DSCAML1: variants seen among roughly 807,000 people sequenced by gnomAD.
DSCAML1 encodes the protein cell adhesion molecule DSCAML1.
A neutral mutation model predicts 200.5 loss-of-function variants in DSCAML1; 38 were observed. The ratio of observed to expected loss-of-function variants is 0.19; its 90% CI spans 0.15 to 0.25. DSCAML1 has a LOEUF of 0.25. Ranked by LOEUF, DSCAML1 falls within the 10% of genes least tolerant of loss-of-function variation. The pLI, the probability that DSCAML1 is intolerant of heterozygous loss-of-function variation, is 1.00. For synonymous variants in DSCAML1, 1,215 were observed against 1,165.0 expected, an observed-to-expected ratio of 1.04 and a Z score of -0.87; for missense variants, 2,223 against 2,858.8, an observed-to-expected ratio of 0.78 and a Z score of 5.07.
At chr11:117,654,920 C>T (rs1260297250) in intron 3 of DSCAML1, among the ~76,000 whole-genome samples, 1 of 152,188 alleles carries the variant, frequency 6.6e-6, no homozygotes, top group African/African-American at 2.4e-5. Flanking sequence ...CATCTCTACC[C>T]CAGGATGTAA....
chr11:117,520,669 C>T (rs1234732082), intron 6 of DSCAML1, among the ~76,000 whole-genome samples: 1 of 151,418 alleles, frequency 6.6e-6, no homozygotes, highest in Admixed American at 6.6e-5. Flanking sequence ...GGGAGGATCG[C>T]TTCACCCCAG....
chr11:117,816,088 G>T (rs2055803567), intron 1 of DSCAML1, among the ~76,000 whole-genome samples: 2 of 152,106 alleles, frequency 1.3e-5, no homozygotes, highest in Non-Finnish European at 2.9e-5. Context: ...AACGTTTGAA[G>T]TTCTAAACAG....
At chr11:117,554,761 G>A (rs2050529743) in intron 3 of DSCAML1, among the ~76,000 whole-genome samples, 1 of 152,222 alleles carries the variant, frequency 6.6e-6, no homozygotes. Context: ...TTGCAATCAT[G>A]AGGATGGCAG....
intron 14 of DSCAML1, among the ~76,000 whole-genome samples, chr11:117,476,163 T>C (rs1278807261): frequency 4.6e-5 from 7 of 152,158 alleles, no homozygotes; most frequent in African/African-American, 1.7e-4. Context: ...ATGCAAAATA[T>C]TCTTCTTAAA....
chr11:117,576,254 T>C (rs1366508744), intron 3 of DSCAML1, among the ~76,000 whole-genome samples: 1 of 152,098 alleles, frequency 6.6e-6, no homozygotes, highest in African/African-American at 2.4e-5. Flanking sequence ...TCATTCTGGG[T>C]TTCACTGACT....
rs778172814 is a variant in DSCAML1 at position 117,428,614 on chromosome 11, C to T, written c.5876G>A (p.Gly1959Glu). The T allele has an allele frequency of 3.7e-6, 6 of 1,608,114 alleles. No homozygotes were observed. The highest frequency in any genetic ancestry group is 2.2e-5 in the East Asian group (1 of 44,694). The change falls in exon 33 of 33, where the codon GGG (glycine) becomes GAG (glutamate). Residue 1959 changes from glycine (G) to glutamate (E), a missense_variant. By Grantham distance (98) the Gly-to-Glu change is moderately conservative (BLOSUM62 -2). Transcript: ENST00000651296. Reference sequence around the variant, plus strand: ...GGCTGTGGAGGCGGCAGCGGGGGCCCCTGGGTGGGGAAGGCCCAAGGACTT... The same window carrying T: ...GGCTGTGGAGGCGGCAGCGGGGGCCTCTGGGTGGGGAAGGCCCAAGGACTT... ...ASKSLGLPHP[G>E]APAAASTATL...
Position 117,520,663 on chromosome 11 carries a change from G to A in DSCAML1, c.1213+467C>T, listed in dbSNP as rs113436308. Among the ~76,000 whole-genome samples the A allele has an allele frequency of 3.3e-3, 496 of 151,434 alleles. 7 individuals carry two copies. The highest frequency in any genetic ancestry group is 0.011 in the African/African-American group (460 of 41,298). ...AGTAAAGGCCTCAGCCCAGGCGGGA[G>A]GATCGCTTCACCCCAGTTCAAGACC... is the stretch of plus-strand genomic sequence containing the variant. On this transcript the variant is annotated intron_variant, in intron 6 of 32. Transcript: ENST00000651296.
chr11:117,796,820 C>T (rs1242183471), intron 1 of DSCAML1, among the ~76,000 whole-genome samples: 2 of 152,190 alleles, frequency 1.3e-5, no homozygotes, highest in Non-Finnish European at 2.9e-5. Flanking sequence ...CGCCCCAAAA[C>T]GGCAGACGCG....
chr11:117,697,648 A>AT (rs1396437164), intron 3 of DSCAML1, among the ~76,000 whole-genome samples: 2 of 152,168 alleles, frequency 1.3e-5, no homozygotes, highest in African/African-American at 4.8e-5. Context: ...GTCTCTAGGA[A>AT]TTTGAGTACT....
intron 16 of DSCAML1, among the ~76,000 whole-genome samples, chr11:117,466,994 A>G (rs1161070940): frequency 6.6e-6 from 1 of 152,206 alleles, no homozygotes; most frequent in East Asian, 1.9e-4. Context: ...TGAGGCCCGA[A>G]TGAGCCCTGG....
Position 117,503,813 on chromosome 11 carries a change from G to T in DSCAML1, c.2359+32C>A, listed in dbSNP as rs1370988336. Reference sequence around the variant, plus strand: ...AGCCGGGGCTTGGCTGTGATTTGGGGGTGCTAGGGGGCGTGTGGGGACAGG... The same window carrying T: ...AGCCGGGGCTTGGCTGTGATTTGGGTGTGCTAGGGGGCGTGTGGGGACAGG... On this transcript the variant is annotated intron_variant, in intron 11 of 32. Transcript: ENST00000651296. The surrounding 1 kb of genome is among the most constrained non-coding windows in gnomAD (Gnocchi z 5.2). The T allele has an allele frequency of 6.2e-7, 1 of 1,600,628 alleles. No individual in the cohort carries two copies. Among genetic ancestry groups the T allele is most frequent in the Non-Finnish European group, 8.5e-7 (1 of 1,172,250 alleles).
At chr11:117,738,239 C>G (rs2054356731) in intron 3 of DSCAML1, among the ~76,000 whole-genome samples, 1 of 152,144 alleles carries the variant, frequency 6.6e-6, no homozygotes, top group Admixed American at 6.5e-5. Flanking sequence ...CACCTTCTGC[C>G]AGCACTCCAG....
At position 117,505,786 on chromosome 11, in the gene DSCAML1, G is replaced by T. The variant is rs748661355; in HGVS notation, c.1784-54C>A. The T allele has an allele frequency of 1.7e-5, 26 of 1,552,306 alleles. No individual in the cohort carries two copies. Among genetic ancestry groups the T allele is most frequent in the Non-Finnish European group, 2.3e-5 (26 of 1,151,180 alleles). ...GGACCCTGTGCATTCTCACCTGGCC[G>T]CCAACGCCGCCTCACCTGCCTTACC... On this transcript the variant is annotated intron_variant, in intron 8 of 32. Transcript: ENST00000651296. This position sits in a 1 kb window ranked among gnomAD's most constrained non-coding sequence, Gnocchi z 6.7.
At position 117,780,615 on chromosome 11, in the gene DSCAML1, G is replaced by A. The variant is rs1478726901; in HGVS notation, c.242C>T (p.Thr81Met). Residue 81 changes from threonine to methionine, a missense_variant, in exon 2 of 33, where the codon ACG becomes ATG. By Grantham distance (81) the Thr-to-Met change is moderately conservative. Transcript: ENST00000651296. The surrounding 1 kb of genome is among the most constrained non-coding windows in gnomAD (Gnocchi z 4.8). ...PHIRHVHANG[T>M]LQLYPFSPSA... ...GGGGGAGAAGGGGTAGAGCTGCAGCGTCCCGTTGGCGTGGACGTGCCGGAT... is the reference window on the plus strand; with the variant it reads ...GGGGGAGAAGGGGTAGAGCTGCAGCATCCCGTTGGCGTGGACGTGCCGGAT... 5 of 1,590,900 alleles carry A rather than the reference G, an allele frequency of 3.1e-6. No individual in the cohort carries two copies. Among genetic ancestry groups the A allele is most frequent in the Non-Finnish European group, 3.4e-6 (4 of 1,167,556 alleles).
At chr11:117,633,844 T>C (rs893051610) in intron 3 of DSCAML1, among the ~76,000 whole-genome samples, 1 of 152,086 alleles carries the variant, frequency 6.6e-6, no homozygotes, top group African/African-American at 2.4e-5. Context: ...CCTCCAGACT[T>C]TGATGCCTGC....
At chr11:117,779,794 C>T (rs549696011) in intron 2 of DSCAML1, among the ~76,000 whole-genome samples, 4 of 152,282 alleles carry the variant, frequency 2.6e-5, no homozygotes, top group Admixed American at 6.5e-5. Flanking sequence ...GCTTGAGGAA[C>T]GCTTCTAAGG....
At chr11:117,447,086 C>G (rs546873582) in intron 20 of DSCAML1, among the ~76,000 whole-genome samples, 7 of 152,086 alleles carry the variant, frequency 4.6e-5, no homozygotes, top group East Asian at 1.9e-4. Flanking sequence ...GTCAGGAGTT[C>G]GAGACCAGCC....
intron 32 of DSCAML1, 53 bp downstream of exon 32, chr11:117,430,669 G>T: frequency 6.5e-7 from 1 of 1,550,312 alleles, no homozygotes; most frequent in Admixed American, 1.8e-5. Context: ...GGCTCATGGG[G>T]CTGGGGCCAG....
chr11:117,714,046 T>A (rs2187182), intron 3 of DSCAML1, among the ~76,000 whole-genome samples: 1 of 152,196 alleles, frequency 6.6e-6, no homozygotes, highest in Non-Finnish European at 1.5e-5. Context: ...TAGTCAATCT[T>A]CCTGAGTCCG....
Sources: gnomAD v4.1 joint callset for allele counts (sites outside exome capture counted in the v4.1 genomes callset) on GRCh38, gnomAD v4.1.1 for gene constraint, Gnocchi (gnomAD v3.1) non-coding constraint, MANE v1.5 for transcripts, NCBI Gene and HGNC (gene_info 2026-07-23, HGNC 2026-07-21) for gene names.